Variants in MSTO1 observed in about 807,000 individuals in gnomAD.
MSTO1 encodes the protein misato mitochondrial distribution and morphology regulator 1.
MSTO1 carries 24 observed loss-of-function variants against 55.7 expected under a neutral mutation model. That is an observed-to-expected ratio of 0.43 (90% CI 0.31 to 0.61). The LOEUF (loss-of-function observed/expected upper bound fraction) is 0.61. MSTO1 is among the 20% of genes least tolerant of loss of function. The pLI, the probability that MSTO1 is intolerant of heterozygous loss-of-function variation, is 0.09. For synonymous variants in MSTO1, 162 were observed against 252.8 expected (o/e 0.64, Z 3.41); for missense variants, 363 against 625.7 (o/e 0.58, Z 4.48).
chr1:155,608,700 C>T (rs557142611), upstream of MSTO1, among the ~76,000 whole-genome samples: 102 of 151,818 alleles, frequency 6.7e-4, no homozygotes, highest in Admixed American at 9.2e-4. Flanking sequence ...GACGGGGTTT[C>T]ACCGTGTTAG....
the MSTO1 span, among the ~76,000 whole-genome samples, chr1:155,571,999 G>A: frequency 6.0e-5 from 9 of 149,672 alleles, no homozygotes; most frequent in African/African-American, 1.2e-4. Flanking sequence ...CCAAGATTGC[G>A]CCACTGCACT....
the MSTO1 span, among the ~76,000 whole-genome samples, chr1:155,583,188 A>T: frequency 6.6e-6 from 1 of 151,530 alleles, no homozygotes; most frequent in African/African-American, 2.4e-5. Flanking sequence ...CCTTCTTCTT[A>T]AAGTATCTTG....
the MSTO1 span, among the ~76,000 whole-genome samples, chr1:155,604,581 G>A: frequency 1.3e-5 from 2 of 152,280 alleles, no homozygotes; most frequent in Admixed American, 1.3e-4. Context: ...TTTGTACGTT[G>A]AAAATACTGG....
the MSTO1 span, among the ~76,000 whole-genome samples, chr1:155,572,028 T>A: frequency 6.8e-6 from 1 of 146,952 alleles, no homozygotes; most frequent in Non-Finnish European, 1.5e-5. Context: ...GGCGACAGAG[T>A]GAGACTCTTG....
At chr1:155,613,026 C>A in intron 10 of MSTO1, 23 bp from the exon 11 acceptor site, 1 of 1,613,900 alleles carries the variant, frequency 6.2e-7, no homozygotes, top group Non-Finnish European at 8.5e-7. Context: ...TGTCCTATAA[C>A]GTGTTCTCTT....
At chr1:155,577,818 C>T in the MSTO1 span, among the ~76,000 whole-genome samples, 1 of 152,166 alleles carries the variant, frequency 6.6e-6, no homozygotes, top group Non-Finnish European at 1.5e-5. Context: ...ACGCTAGAGT[C>T]CACTGCACTT....
At chr1:155,569,782 A>G in the MSTO1 span, among the ~76,000 whole-genome samples, 1 of 151,890 alleles carries the variant, frequency 6.6e-6, no homozygotes, top group Non-Finnish European at 1.5e-5. Context: ...TTTTTTACGA[A>G]AATGTTTGGG....
the MSTO1 span, among the ~76,000 whole-genome samples, chr1:155,601,114 C>G: frequency 1.3e-5 from 2 of 151,282 alleles, no homozygotes; most frequent in African/African-American, 4.9e-5. Flanking sequence ...CCACCGCACC[C>G]AGCCTTGCTT....
the MSTO1 span, chr1:155,590,906 T>G: frequency 6.2e-7 from 1 of 1,612,874 alleles, no homozygotes; most frequent in Non-Finnish European, 8.5e-7. Flanking sequence ...ATCCCAGAGG[T>G]GAGCACCAGG....
the MSTO1 span, among the ~76,000 whole-genome samples, chr1:155,574,567 T>G: frequency 2.6e-5 from 4 of 152,130 alleles, no homozygotes; most frequent in Non-Finnish European, 5.9e-5. Flanking sequence ...TACATTGGTT[T>G]GTTTGTTTGC....
upstream of MSTO1, among the ~76,000 whole-genome samples, chr1:155,609,619 TTA>T (rs1456859615): frequency 6.6e-6 from 1 of 152,210 alleles, no homozygotes; most frequent in East Asian, 1.9e-4. Flanking sequence ...TGAAAATGAA[TTA>T]TAGATATTTG....
chr1:155,609,981 G>T (rs374232411), upstream of MSTO1: 2 of 477,070 alleles, frequency 4.2e-6, no homozygotes, highest in Middle Eastern at 5.6e-4. Flanking sequence ...CGGCGGAGAC[G>T]GCGCCCACCC....
the MSTO1 span, among the ~76,000 whole-genome samples, chr1:155,588,740 G>A: frequency 6.6e-6 from 1 of 152,024 alleles, no homozygotes; most frequent in African/African-American, 2.4e-5. Context: ...CACCTGAGCG[G>A]GATTAGTCGA....
At chr1:155,609,175 T>C (rs1419865700), upstream of MSTO1, among the ~76,000 whole-genome samples, 1 of 143,142 alleles carries the variant, frequency 7.0e-6, no homozygotes, top group Non-Finnish European at 1.5e-5. Context: ...TAGCACCTAA[T>C]AGCCCAAAAA....
At chr1:155,571,633 T>C in the MSTO1 span, among the ~76,000 whole-genome samples, 1 of 152,206 alleles carries the variant, frequency 6.6e-6, no homozygotes, top group African/African-American at 2.4e-5. Context: ...AGAACTCTTT[T>C]ACTTTTATAG....
chr1:155,580,267 C>T, the MSTO1 span, among the ~76,000 whole-genome samples: 2 of 150,186 alleles, frequency 1.3e-5, no homozygotes, highest in African/African-American at 2.4e-5. Context: ...GGCTCACACC[C>T]GTAATCCCAG....
At position 155,614,784 on chromosome 1, in the gene MSTO1, G is replaced by C; in HGVS notation, c.*511G>C. On this transcript the variant is annotated 3_prime_UTR_variant, in exon 14 of 14. Transcript: ENST00000245564. ...GGTCAGACAGCTGGTCTGCATTGCT[G>C]GTACTGGTTGCATCATCCTCATCCT... 3.9e-6 allele frequency: 6 copies of C among 1,542,568 alleles called. No individual in the cohort carries two copies. The South Asian group carries it at 4.6e-5, about 12-fold the overall frequency.
chr1:155,602,398 C>T, the MSTO1 span, among the ~76,000 whole-genome samples: 1 of 152,130 alleles, frequency 6.6e-6, no homozygotes, highest in Admixed American at 6.5e-5. Context: ...ATCGCTTGAA[C>T]CCAGGAGGCA....
the MSTO1 span, among the ~76,000 whole-genome samples, chr1:155,569,670 C>CT: frequency 6.6e-6 from 1 of 151,992 alleles, no homozygotes; most frequent in Non-Finnish European, 1.5e-5. Flanking sequence ...AACTCCTGGC[C>CT]TTGTGATCTA....
Sources: allele counts gnomAD v4.1 joint callset (sites outside exome capture counted in the v4.1 genomes callset), GRCh38; gene constraint gnomAD v4.1.1; transcripts MANE v1.5; gene names NCBI Gene and HGNC (gene_info 2026-07-23, HGNC 2026-07-21).